Variants in RAB22A observed in about 807,000 individuals in gnomAD.
RAB22A encodes the protein RAB22A, member RAS oncogene family.
A neutral mutation model predicts 30.2 loss-of-function variants in RAB22A; 13 were observed. That is an observed-to-expected ratio of 0.43 (90% CI 0.28 to 0.68). The LOEUF (loss-of-function observed/expected upper bound fraction) is 0.68. Among genes scored for constraint, RAB22A ranks in the 30% least tolerant of loss-of-function variants. The probability of loss-of-function intolerance (pLI) is 0.18; values close to 1 mark genes in which losing one functional copy is unlikely to be tolerated. For synonymous variants in RAB22A, 89 were observed against 87.2 expected, an observed-to-expected ratio of 1.02 and a Z score of -0.11; for missense variants, 177 against 246.8, an observed-to-expected ratio of 0.72 and a Z score of 1.89.
intron 2 of RAB22A, among the ~76,000 whole-genome samples, chr20:58,329,928 C>G (rs1313399534): frequency 6.6e-6 from 1 of 152,146 alleles, no homozygotes; most frequent in Non-Finnish European, 1.5e-5. Flanking sequence ...TTCCACCAAC[C>G]ACAGATTGAA....
intron 3 of RAB22A, among the ~76,000 whole-genome samples, chr20:58,350,261 G>T (rs1383998695): frequency 6.6e-6 from 1 of 152,136 alleles, no homozygotes; most frequent in East Asian, 1.9e-4. Flanking sequence ...CAGAAGAATA[G>T]AAAAACAGTA....
intron 2 of RAB22A, among the ~76,000 whole-genome samples, chr20:58,326,347 T>C (rs906188268): frequency 1.3e-5 from 2 of 152,206 alleles, no homozygotes; most frequent in Admixed American, 1.3e-4. Context: ...TTGATTTTAA[T>C]CAATATAGAT....
At chr20:58,326,072 T>C (rs139808347) in intron 2 of RAB22A, among the ~76,000 whole-genome samples, 16 of 152,352 alleles carry the variant, frequency 1.1e-4, no homozygotes, top group Admixed American at 3.9e-4. Context: ...TGTAACATTG[T>C]GAAATATATT....
At chr20:58,343,686 T>C (rs779535783) in intron 2 of RAB22A, 32 bp from the exon 3 acceptor site, 1 of 1,539,014 alleles carries the variant, frequency 6.5e-7, no homozygotes, top group Non-Finnish European at 9.0e-7. Context: ...TTTACATAAT[T>C]GTATTCTGAT....
At chr20:58,338,035 AT>A (rs926754636) in intron 2 of RAB22A, among the ~76,000 whole-genome samples, 1 of 150,122 alleles carries the variant, frequency 6.7e-6, no homozygotes, top group East Asian at 1.9e-4. Flanking sequence ...ATTTTTTTTT[AT>A]TTTTTTTTGA....
intron 2 of RAB22A, among the ~76,000 whole-genome samples, chr20:58,312,452 A>G (rs1600721014): frequency 9.5e-6 from 1 of 105,266 alleles, no homozygotes; most frequent in African/African-American, 3.7e-5. Context: ...GAGTTGCACC[A>G]TGTTACTCCG....
At chr20:58,348,572 T>C (rs1600739151) in intron 3 of RAB22A, among the ~76,000 whole-genome samples, 1 of 152,100 alleles carries the variant, frequency 6.6e-6, no homozygotes, top group Non-Finnish European at 1.5e-5. Flanking sequence ...CCGAAAGTGA[T>C]CCCATTATTA....
At chr20:58,351,080 C>T (rs1046876155) in intron 3 of RAB22A, among the ~76,000 whole-genome samples, 3 of 152,140 alleles carry the variant, frequency 2.0e-5, no homozygotes, top group South Asian at 2.1e-4. Context: ...GGGCTCACAC[C>T]TGTAATCCCA....
chr20:58,339,028 G>A (rs1306745551), intron 2 of RAB22A, among the ~76,000 whole-genome samples: 1 of 152,212 alleles, frequency 6.6e-6, no homozygotes, highest in East Asian at 1.9e-4. Flanking sequence ...GGAATGTAAT[G>A]TCAGAGCACA....
chr20:58,327,875 A>G (rs1600728396), intron 2 of RAB22A, among the ~76,000 whole-genome samples: 1 of 152,220 alleles, frequency 6.6e-6, no homozygotes, highest in East Asian at 1.9e-4. Flanking sequence ...AGAGACTGAG[A>G]AACTGATCCA....
Position 58,354,162 on chromosome 20 carries a change from C to G in RAB22A, c.384C>G (p.Val128=). The G allele has an allele frequency of 6.2e-7, 1 of 1,611,350 alleles. No individual in the cohort carries two copies. ...TGTAGTTGTTGCCTTCCAGAGAAGT[C>G]ATGGAGAGAGATGCAAAGGACTACG... ...NKCDLIDVRE[V]MERDAKDYAD... Residue 128 remains valine (V), a synonymous_variant, in exon 6 of 7, where the codon GTC becomes GTG. Transcript: ENST00000244040.
chr20:58,321,950 C>G (rs1203448592), intron 2 of RAB22A, among the ~76,000 whole-genome samples: 1 of 152,188 alleles, frequency 6.6e-6, no homozygotes, highest in Non-Finnish European at 1.5e-5. Flanking sequence ...CAGGTGTACT[C>G]ACCACATCTG....
At chr20:58,343,355 A>G (rs1986889575) in intron 2 of RAB22A, among the ~76,000 whole-genome samples, 1 of 152,142 alleles carries the variant, frequency 6.6e-6, no homozygotes, top group Non-Finnish European at 1.5e-5. Flanking sequence ...TAACTAGTGT[A>G]TACATTCCTG....
At chr20:58,337,011 T>A (rs1310048359) in intron 2 of RAB22A, among the ~76,000 whole-genome samples, 1 of 152,202 alleles carries the variant, frequency 6.6e-6, no homozygotes, top group Non-Finnish European at 1.5e-5. Context: ...GCCCATCTTC[T>A]CCCTCAACTT....
At chr20:58,329,015 G>A (rs865779906) in intron 2 of RAB22A, among the ~76,000 whole-genome samples, 8 of 151,500 alleles carry the variant, frequency 5.3e-5, no homozygotes, top group Non-Finnish European at 8.8e-5. Context: ...AGATCGCCTC[G>A]GTATTTGTTT....
intron 2 of RAB22A, among the ~76,000 whole-genome samples, chr20:58,324,197 A>G (rs749295494): frequency 5.9e-4 from 89 of 152,088 alleles, no homozygotes; most frequent in Middle Eastern, 3.2e-3. Flanking sequence ...CTGGGCTTCA[A>G]GTTCTTCTTG....
chr20:58,344,096 G>A (rs566048739), intron 3 of RAB22A, among the ~76,000 whole-genome samples: 1 of 152,210 alleles, frequency 6.6e-6, no homozygotes, highest in South Asian at 2.1e-4. Flanking sequence ...GTATAATTTG[G>A]GGCTCTCTCC....
At chr20:58,315,330 T>C (rs1600722510) in intron 2 of RAB22A, among the ~76,000 whole-genome samples, 1 of 152,040 alleles carries the variant, frequency 6.6e-6, no homozygotes, top group African/African-American at 2.4e-5. Flanking sequence ...AGCCCATGCC[T>C]CCAACCCATG....
chr20:58,321,167 G>GAC (rs1986451477), intron 2 of RAB22A, among the ~76,000 whole-genome samples: 1 of 150,426 alleles, frequency 6.6e-6, no homozygotes, highest in Non-Finnish European at 1.5e-5. Context: ...CTCCAGCCTG[G>GAC]TGACAGAGCA....
Sources: allele counts gnomAD v4.1 joint callset (sites outside exome capture counted in the v4.1 genomes callset), GRCh38; gene constraint gnomAD v4.1.1; transcripts MANE v1.5; gene names NCBI Gene and HGNC (gene_info 2026-07-23, HGNC 2026-07-21).